Variants in IGSF21 observed in about 807,000 individuals in gnomAD.
IGSF21 encodes immunoglobin superfamily member 21.
IGSF21 carries 28 observed loss-of-function variants against 46.8 expected under a neutral mutation model. The observed-to-expected ratio is 0.60, with a 90% confidence interval of 0.44 to 0.82. The LOEUF (loss-of-function observed/expected upper bound fraction) is 0.82, where lower values mean the gene tolerates loss of function less well. IGSF21 is among the 40% of genes least tolerant of loss of function. The pLI is 0.00. For missense variants in IGSF21, 624 were observed against 665.5 expected (o/e 0.94, Z 0.69); for synonymous variants, 284 against 273.6 (o/e 1.04, Z -0.38).
At chr1:18,332,154 A>G (rs1390800868) in intron 3 of IGSF21, among the ~76,000 whole-genome samples, 1 of 152,258 alleles carries the variant, frequency 6.6e-6, no homozygotes, top group Non-Finnish European at 1.5e-5. Flanking sequence ...TCATCAGGGT[A>G]GCAGTTGCCT....
intron 3 of IGSF21, among the ~76,000 whole-genome samples, chr1:18,300,818 A>G (rs923261898): frequency 6.6e-6 from 1 of 152,062 alleles, no homozygotes; most frequent in Admixed American, 6.5e-5. Context: ...CAGAGCTCTA[A>G]TTAGGAAAGG....
chr1:18,316,867 G>T (rs1373470410), intron 3 of IGSF21, among the ~76,000 whole-genome samples: 1 of 152,232 alleles, frequency 6.6e-6, no homozygotes, highest in Non-Finnish European at 1.5e-5. Flanking sequence ...AGTGCTGTGT[G>T]TTATCTATTA....
chr1:18,151,408 C>T (rs901726355), intron 1 of IGSF21, among the ~76,000 whole-genome samples: 3 of 152,208 alleles, frequency 2.0e-5, no homozygotes, highest in Non-Finnish European at 2.9e-5. Flanking sequence ...GGAGGTTCCC[C>T]GCTGGATCCT....
At chr1:18,165,325 C>A (rs563093735) in intron 1 of IGSF21, among the ~76,000 whole-genome samples, 3 of 152,270 alleles carry the variant, frequency 2.0e-5, no homozygotes, top group South Asian at 2.1e-4. Context: ...CCTGGACTTG[C>A]GGATGGTCAC....
intron 1 of IGSF21, chr1:18,111,840 T>C (rs1376474578): frequency 6.6e-6 from 1 of 152,246 alleles, no homozygotes; most frequent in Non-Finnish European, 1.5e-5. Context: ...GGCTCCTCTT[T>C]CCGCTGAATC....
intron 1 of IGSF21, among the ~76,000 whole-genome samples, chr1:18,193,920 G>T (rs1183848409): frequency 6.6e-6 from 1 of 152,178 alleles, no homozygotes; most frequent in South Asian, 2.1e-4. Context: ...GTGTGTCTGT[G>T]TGTGTGCTGG....
intron 3 of IGSF21, among the ~76,000 whole-genome samples, chr1:18,329,953 C>A (rs930695956): frequency 1.2e-4 from 19 of 152,204 alleles, no homozygotes; most frequent in African/African-American, 4.3e-4. Context: ...CAATTACTCA[C>A]CCTTCAGAGA....
At chr1:18,143,058 G>A (rs2086432841) in intron 1 of IGSF21, among the ~76,000 whole-genome samples, 1 of 152,186 alleles carries the variant, frequency 6.6e-6, no homozygotes, top group South Asian at 2.1e-4. Context: ...TCAGGGACAG[G>A]ACTCATGAGC....
intron 1 of IGSF21, among the ~76,000 whole-genome samples, chr1:18,136,970 C>G (rs1384851585): frequency 6.6e-6 from 1 of 152,132 alleles, no homozygotes; most frequent in African/African-American, 2.4e-5. Flanking sequence ...AGAGGTCCTT[C>G]ACATCCCTTG....
At chr1:18,131,482 A>C (rs2086321400) in intron 1 of IGSF21, among the ~76,000 whole-genome samples, 1 of 152,228 alleles carries the variant, frequency 6.6e-6, no homozygotes, top group South Asian at 2.1e-4. Context: ...ATTAATTGCT[A>C]CATGTAATTG....
intron 3 of IGSF21, among the ~76,000 whole-genome samples, chr1:18,329,921 T>C (rs990781840): frequency 2.6e-5 from 4 of 152,248 alleles, no homozygotes; most frequent in Admixed American, 6.5e-5. Context: ...CCGCCCTCGC[T>C]GTGCCTGGCT....
chr1:18,270,889 A>G (rs1006024034), intron 2 of IGSF21, among the ~76,000 whole-genome samples: 1 of 152,206 alleles, frequency 6.6e-6, no homozygotes, highest in African/African-American at 2.4e-5. Context: ...ATTTCTGCAA[A>G]TTACACATCA....
intron 1 of IGSF21, among the ~76,000 whole-genome samples, chr1:18,183,460 G>A (rs766224193): frequency 2.0e-5 from 3 of 152,178 alleles, no homozygotes; most frequent in Non-Finnish European, 4.4e-5. Flanking sequence ...CAGGAACAAT[G>A]ATAACCTTGT....
chr1:18,133,147 G>A (rs549337823), intron 1 of IGSF21, among the ~76,000 whole-genome samples: 1 of 152,356 alleles, frequency 6.6e-6, no homozygotes, highest in African/African-American at 2.4e-5. Flanking sequence ...AAAGGAAGAG[G>A]GAGGGGGAAG....
chr1:18,281,498 G>A lies in IGSF21; in HGVS notation c.184-10368G>A, dbSNP rs147221435. Reference sequence around the variant, plus strand: ...GGAGAATTGCTTGAACTCAGGAGACGGAGGTTGCAGTGAGCTGACATGGTG... The same window carrying A: ...GGAGAATTGCTTGAACTCAGGAGACAGAGGTTGCAGTGAGCTGACATGGTG... On this transcript the variant is annotated intron_variant, in intron 2 of 9. Coordinates refer to ENST00000251296, the MANE Select transcript of IGSF21 (RefSeq NM_032880.5). Among the ~76,000 whole-genome samples, 374 of 151,776 alleles carry A rather than the reference G, an allele frequency of 2.5e-3. 8 individuals carry two copies. Among genetic ancestry groups the A allele is most frequent in the Admixed American group, 0.014 (207 of 15,250 alleles).
intron 2 of IGSF21, among the ~76,000 whole-genome samples, chr1:18,289,251 CA>C (rs2085244592): frequency 6.6e-6 from 1 of 152,182 alleles, no homozygotes; most frequent in South Asian, 2.1e-4. Flanking sequence ...GAGGTGAGGC[CA>C]GAAGACGGGC....
intron 1 of IGSF21, among the ~76,000 whole-genome samples, chr1:18,166,410 G>A (rs2086679070): frequency 6.6e-6 from 1 of 152,098 alleles, no homozygotes; most frequent in Admixed American, 6.5e-5. Context: ...TGACCTCCCT[G>A]GCCTGAAGTC....
intron 3 of IGSF21, among the ~76,000 whole-genome samples, chr1:18,317,665 C>T (rs1023795431): frequency 6.6e-5 from 10 of 152,196 alleles, no homozygotes; most frequent in Non-Finnish European, 1.2e-4. Flanking sequence ...CAGTCTATGG[C>T]CATGAATCCA....
rs2084576147 is a variant in IGSF21, at chr1:18,227,142, C to T, written c.71-756C>T. ...CCCCAGATAGTGGGTCTATAATGGACTTCTCTAACATATCACCACTGCCAT... is the reference window on the plus strand; with the variant it reads ...CCCCAGATAGTGGGTCTATAATGGATTTCTCTAACATATCACCACTGCCAT... On this transcript the variant is annotated intron_variant, in intron 1 of 9. Coordinates refer to ENST00000251296, the MANE Select transcript of IGSF21 (RefSeq NM_032880.5). Among the ~76,000 whole-genome samples the T allele has an allele frequency of 2.0e-5, 3 of 152,198 alleles. No individual in the cohort carries two copies. The South Asian group carries it at 6.2e-4, about 32-fold the overall frequency.
Sources: gnomAD v4.1 joint callset for allele counts (sites outside exome capture counted in the v4.1 genomes callset) on GRCh38, gnomAD v4.1.1 for gene constraint, MANE v1.5 for transcripts, NCBI Gene and HGNC (gene_info 2026-07-23, HGNC 2026-07-21) for gene names.